SLIT2: variants seen among roughly 807,000 people sequenced by gnomAD.
SLIT2 encodes the protein slit homolog 2 protein.
A neutral mutation model predicts 185.7 loss-of-function variants in SLIT2; 41 were observed. The ratio of observed to expected loss-of-function variants is 0.22; its 90% CI spans 0.17 to 0.29. The LOEUF (loss-of-function observed/expected upper bound fraction) is 0.29, where lower values mean the gene tolerates loss of function less well. Ranked by LOEUF, SLIT2 falls within the 10% of genes least tolerant of loss-of-function variation. The probability of loss-of-function intolerance (pLI) is 1.00; values close to 1 mark genes in which losing one functional copy is unlikely to be tolerated. For synonymous variants in SLIT2, 693 were observed against 680.2 expected (o/e 1.02, Z -0.29); for missense variants, 1,571 against 1,909.0 (o/e 0.82, Z 3.30).
chr4:20,311,243 A>G (rs577695791), intron 4 of SLIT2, among the ~76,000 whole-genome samples: 1 of 152,354 alleles, frequency 6.6e-6, no homozygotes, highest in South Asian at 2.1e-4. Context: ...TATGTGTGGG[A>G]AAAGTTGGGA....
intron 4 of SLIT2, among the ~76,000 whole-genome samples, chr4:20,421,000 T>C (rs760692850): frequency 6.6e-6 from 1 of 152,150 alleles, no homozygotes; most frequent in Non-Finnish European, 1.5e-5. Context: ...AGCCACCTAG[T>C]CTGTGGTATT....
chr4:20,421,537 A>G (rs559502449), intron 4 of SLIT2, among the ~76,000 whole-genome samples: 2 of 152,296 alleles, frequency 1.3e-5, no homozygotes, highest in South Asian at 2.1e-4. Flanking sequence ...TTTTGAAAGC[A>G]TGGATCAGAT....
At position 20,610,113 on chromosome 4, in the gene SLIT2, A is replaced by G; in HGVS notation, c.3793A>G (p.Thr1265Ala). ...SVDGGNPKII[T>A]NLSKQSTLNF... is the part of the protein sequence containing the mutation. ...GGATGGTGGGAACCCCAAAATCATC[A>G]CTAACTTGTCAAAGCAGTCCACTCT... Residue 1265 changes from threonine (T) to alanine (A), a missense_variant, in exon 34 of 37, where the codon ACT (threonine) becomes GCT (alanine). By Grantham distance (58) the Thr-to-Ala change is moderately conservative. Transcript: ENST00000504154. 6.2e-7 allele frequency: 1 copy of G among 1,613,842 alleles called. No individual in the cohort carries two copies. Among genetic ancestry groups the G allele is most frequent in the Non-Finnish European group, 8.5e-7 (1 of 1,179,790 alleles).
chr4:20,283,593 A>G (rs1305788157), intron 4 of SLIT2, among the ~76,000 whole-genome samples: 1 of 152,152 alleles, frequency 6.6e-6, no homozygotes, highest in Non-Finnish European at 1.5e-5. Flanking sequence ...CTTAATATTA[A>G]TCATTACTGA....
intron 4 of SLIT2, among the ~76,000 whole-genome samples, chr4:20,289,761 G>A (rs1315853494): frequency 6.6e-6 from 1 of 152,188 alleles, no homozygotes. Context: ...TGCTCAATCA[G>A]TGTTTTCTGA....
intron 29 of SLIT2, among the ~76,000 whole-genome samples, chr4:20,573,525 G>C (rs1337314556): frequency 6.6e-6 from 1 of 152,136 alleles, no homozygotes; most frequent in Non-Finnish European, 1.5e-5. Context: ...GGGGTGGCTA[G>C]AATAAGGGAC....
chr4:20,562,719 T>G (rs1198508348), intron 26 of SLIT2, among the ~76,000 whole-genome samples: 6 of 151,826 alleles, frequency 4.0e-5, no homozygotes, highest in Non-Finnish European at 8.8e-5. Flanking sequence ...ACTTGAGAAA[T>G]GCCATAATGT....
At chr4:20,423,092 C>T (rs929233763) in intron 4 of SLIT2, among the ~76,000 whole-genome samples, 1 of 152,088 alleles carries the variant, frequency 6.6e-6, no homozygotes. Flanking sequence ...ATGTTTCTTT[C>T]ATGCCTTCTC....
chr4:20,531,610 T>C (rs1721818177), intron 16 of SLIT2, among the ~76,000 whole-genome samples: 1 of 152,284 alleles, frequency 6.6e-6, no homozygotes, highest in African/African-American at 2.4e-5. Flanking sequence ...TGGTTTGCAT[T>C]CTAATAAAGC....
intron 8 of SLIT2, among the ~76,000 whole-genome samples, 167 bp from the exon 9 acceptor site, chr4:20,491,594 A>G (rs1717782886): frequency 6.6e-6 from 1 of 152,188 alleles, no homozygotes; most frequent in African/African-American, 2.4e-5. Flanking sequence ...TGAATATATA[A>G]ATGCATGCCT....
At chr4:20,553,461 G>T (rs1210393060) in intron 25 of SLIT2, among the ~76,000 whole-genome samples, 2 of 152,158 alleles carry the variant, frequency 1.3e-5, no homozygotes, top group African/African-American at 2.4e-5. Context: ...TAAGTCATCA[G>T]TAAATAATTG....
chr4:20,604,579 C>T (rs1459806663), intron 33 of SLIT2, among the ~76,000 whole-genome samples: 1 of 152,076 alleles, frequency 6.6e-6, no homozygotes, highest in Non-Finnish European at 1.5e-5. Context: ...CATTTCCTGA[C>T]CTTGTGATCC....
At chr4:20,269,761 G>C (rs768191812) in intron 4 of SLIT2, among the ~76,000 whole-genome samples, 36 of 151,902 alleles carry the variant, frequency 2.4e-4, no homozygotes, top group Non-Finnish European at 4.3e-4. Flanking sequence ...TGTAGAGAAA[G>C]TGAGCATAGT....
intron 3 of SLIT2, among the ~76,000 whole-genome samples, chr4:20,258,774 G>T (rs1335604649): frequency 6.6e-6 from 1 of 151,578 alleles, no homozygotes; most frequent in African/African-American, 2.4e-5. Flanking sequence ...CATTTTGAAG[G>T]CAAAGAAAAG....
intron 21 of SLIT2, 120 bp downstream of exon 21, chr4:20,542,746 T>C: frequency 9.2e-7 from 1 of 1,084,392 alleles, no homozygotes; most frequent in Non-Finnish European, 1.3e-6. Context: ...TAAGGCCAGT[T>C]AATTATTATC....
At position 20,429,508 on chromosome 4, in the gene SLIT2, C is replaced by T. The variant is rs145985524; in HGVS notation, c.396-38244C>T. Among the ~76,000 whole-genome samples the T allele has an allele frequency of 8.6e-5, 13 of 151,934 alleles. No homozygotes were observed. In the East Asian group the frequency reaches 2.5e-3, roughly 29 times the overall value. On this transcript the variant is annotated intron_variant, in intron 4 of 36. Coordinates refer to ENST00000504154, the MANE Select transcript of SLIT2 (RefSeq NM_004787.4). ...GCTCTTAACATTTGATGATGGAGAA[C>T]CTGGAAGTAATGATTACGTACACAA...
At chr4:20,558,687 C>CT (rs935402014) in intron 26 of SLIT2, among the ~76,000 whole-genome samples, 5 of 151,830 alleles carry the variant, frequency 3.3e-5, no homozygotes, top group African/African-American at 9.7e-5. Context: ...CTAACTTGAG[C>CT]TTTTTTTACA....
chr4:20,425,607 A>G (rs1199195916), intron 4 of SLIT2, among the ~76,000 whole-genome samples: 1 of 152,200 alleles, frequency 6.6e-6, no homozygotes, highest in African/African-American at 2.4e-5. Context: ...ATTACTTTCT[A>G]AAAATATTAT....
At chr4:20,393,893 TCA>T (rs1725660515) in intron 4 of SLIT2, among the ~76,000 whole-genome samples, 1 of 152,046 alleles carries the variant, frequency 6.6e-6, no homozygotes, top group South Asian at 2.1e-4. Flanking sequence ...GTATTGGTGA[TCA>T]CAGAGACTGA....
Sources: allele counts gnomAD v4.1 joint callset (sites outside exome capture counted in the v4.1 genomes callset), GRCh38; gene constraint gnomAD v4.1.1; transcripts MANE v1.5; gene names NCBI Gene and HGNC (gene_info 2026-07-23, HGNC 2026-07-21).